OR7C1: variants seen among roughly 807,000 people sequenced by gnomAD.
OR7C1 encodes the protein olfactory receptor family 7 subfamily C member 1, also known as olfactory receptor 7C1.
For missense variants in OR7C1, 324 were observed against 383.3 expected (o/e 0.85, Z 1.29); for synonymous variants, 152 against 160.7 (o/e 0.95, Z 0.41).
exon 5 of OR7C1, chr19:14,799,008 C>T (rs1175483072): frequency 1.6e-5 from 12 of 753,166 alleles, no homozygotes; most frequent in Non-Finnish European, 2.3e-5. Context: ...GGAAACCTTG[C>T]CAAGGACTCT....
In OR7C1 at chr19:14,827,332, G is replaced by A. The variant is rs150091023; in HGVS notation, c.-623+7742C>T. Reference sequence around the variant, plus strand: ...CCTTTCATTGTTCCCCACAACAAATGTATTCCCAGAGCCCTCTTTATGTCT... The same window carrying A: ...CCTTTCATTGTTCCCCACAACAAATATATTCCCAGAGCCCTCTTTATGTCT... On this transcript the variant is annotated intron_variant, in intron 1 of 4. Transcript: ENST00000641666. 436 of 1,584,366 alleles carry A rather than the reference G, an allele frequency of 2.8e-4. No homozygotes were observed. The highest frequency in any genetic ancestry group is 3.1e-4 in the Non-Finnish European group (367 of 1,169,016).
chr19:14,799,767 C>T (rs767802326), exon 5 of OR7C1: 18 of 1,613,406 alleles, frequency 1.1e-5, no homozygotes, highest in Middle Eastern at 1.6e-4. Flanking sequence ...CAGACGGCCA[C>T]GAAGCGGTCA....
intron 1 of OR7C1, among the ~76,000 whole-genome samples, chr19:14,830,320 T>C (rs2044818653): frequency 1.3e-5 from 2 of 152,270 alleles, no homozygotes; most frequent in South Asian, 4.1e-4. Context: ...AAAAGAGCTG[T>C]TCAATAAACA....
chr19:14,812,258 CATATTGTTTT>C (rs1014977345), intron 1 of OR7C1, among the ~76,000 whole-genome samples: 3 of 152,130 alleles, frequency 2.0e-5, no homozygotes, highest in Non-Finnish European at 2.9e-5. Flanking sequence ...GAGACCCTCT[CATATTGTTTT>C]ATATTGTTTT....
At chr19:14,820,405 G>A (rs1599920570) in intron 1 of OR7C1, among the ~76,000 whole-genome samples, 1 of 150,152 alleles carries the variant, frequency 6.7e-6, no homozygotes, top group African/African-American at 2.5e-5. Context: ...TTGGGGGGTC[G>A]GGGGCAAGGG....
intron 1 of OR7C1, among the ~76,000 whole-genome samples, chr19:14,824,097 T>C (rs1193372300): frequency 1.3e-5 from 2 of 152,218 alleles, no homozygotes; most frequent in South Asian, 2.1e-4. Context: ...AGTGTATCCA[T>C]ACATGGAGCT....
chr19:14,812,176 T>A (rs544181059), intron 1 of OR7C1, among the ~76,000 whole-genome samples: 85 of 152,336 alleles, frequency 5.6e-4, no homozygotes, highest in African/African-American at 1.9e-3. Context: ...TCAGCAGAAA[T>A]ATGCAAGGTC....
chr19:14,831,001 C>G (rs1306269286), intron 1 of OR7C1, among the ~76,000 whole-genome samples: 2 of 152,214 alleles, frequency 1.3e-5, no homozygotes, highest in African/African-American at 2.4e-5. Flanking sequence ...CCCCAGCAAG[C>G]CTTTGCCTCC....
At chr19:14,821,075 T>C (rs2044739003) in intron 1 of OR7C1, among the ~76,000 whole-genome samples, 1 of 152,008 alleles carries the variant, frequency 6.6e-6, no homozygotes, top group African/African-American at 2.4e-5. Context: ...CTGTCTCTAC[T>C]AAAAATACAA....
chr19:14,798,958 T>C, exon 5 of OR7C1: 1 of 482,766 alleles, frequency 2.1e-6, no homozygotes, highest in Non-Finnish European at 3.4e-6. Context: ...TGTTCTTTGT[T>C]AGAAAAGAAA....
chr19:14,817,886 G>GA (rs1198656852), intron 1 of OR7C1, among the ~76,000 whole-genome samples: 3 of 151,460 alleles, frequency 2.0e-5, no homozygotes, highest in Admixed American at 1.3e-4. Flanking sequence ...AGGTAAGAGA[G>GA]AAAAAAAACT....
intron 2 of OR7C1, among the ~76,000 whole-genome samples, chr19:14,807,118 C>T (rs1485907052): frequency 1.3e-5 from 2 of 152,008 alleles, no homozygotes; most frequent in South Asian, 2.1e-4. Flanking sequence ...TTTTGATTTG[C>T]ATTTCTCTAA....
intron 2 of OR7C1, among the ~76,000 whole-genome samples, chr19:14,804,100 T>C (rs1463696935): frequency 6.6e-6 from 1 of 152,076 alleles, no homozygotes; most frequent in African/African-American, 2.4e-5. Flanking sequence ...TAAGTAAACA[T>C]CTAGAAGGCC....
At chr19:14,821,893 ATTC>A (rs1225598884) in intron 1 of OR7C1, among the ~76,000 whole-genome samples, 1 of 152,128 alleles carries the variant, frequency 6.6e-6, no homozygotes, top group Non-Finnish European at 1.5e-5. Flanking sequence ...CATTGTCACC[ATTC>A]TTCTTTCTAC....
At chr19:14,818,321 C>G (rs185049159) in intron 1 of OR7C1, among the ~76,000 whole-genome samples, 41 of 152,166 alleles carry the variant, frequency 2.7e-4, no homozygotes, top group African/African-American at 9.4e-4. Flanking sequence ...GTCTCGATCT[C>G]CTGACCTCGT....
At chr19:14,806,043 T>A (rs2147647713) in intron 2 of OR7C1, among the ~76,000 whole-genome samples, 1 of 151,884 alleles carries the variant, frequency 6.6e-6, no homozygotes, top group Non-Finnish European at 1.5e-5. Context: ...ATGATGGTAT[T>A]ATACAATAAG....
At chr19:14,815,405 A>C (rs994342863) in intron 1 of OR7C1, among the ~76,000 whole-genome samples, 1 of 152,192 alleles carries the variant, frequency 6.6e-6, no homozygotes, top group Non-Finnish European at 1.5e-5. Flanking sequence ...GAATATTCAT[A>C]TCTCCTCCTA....
chr19:14,834,286 AAAAC>A (rs1185076750), intron 1 of OR7C1, among the ~76,000 whole-genome samples: 3 of 152,276 alleles, frequency 2.0e-5, no homozygotes, highest in Admixed American at 6.5e-5. Context: ...TCTCAAAGAA[AAAAC>A]AAACAAACAA....
intron 1 of OR7C1, among the ~76,000 whole-genome samples, chr19:14,812,973 G>T (rs1343551656): frequency 6.6e-6 from 1 of 151,196 alleles, no homozygotes; most frequent in Non-Finnish European, 1.5e-5. Flanking sequence ...GCTGAGGCAG[G>T]AGAATCACTT....
Sources: gnomAD v4.1 joint callset for allele counts (sites outside exome capture counted in the v4.1 genomes callset) on GRCh38, gnomAD v4.1.1 for gene constraint, MANE v1.5 for transcripts, NCBI Gene and HGNC (gene_info 2026-07-23, HGNC 2026-07-21) for gene names.